CWF19L2: variants seen among roughly 807,000 people sequenced by gnomAD.
The protein encoded by CWF19L2 is CWF19 like cell cycle control factor 2, also known as CWF19-like protein 2.
A neutral mutation model predicts 111.7 loss-of-function variants in CWF19L2; 98 were observed. The ratio of observed to expected loss-of-function variants is 0.88; its 90% confidence interval spans 0.75 to 1.04. CWF19L2 has a LOEUF of 1.04. Ranked by LOEUF, CWF19L2 falls within the 50% of genes least tolerant of loss-of-function variation. The pLI is 0.00. For missense variants in CWF19L2, 1,101 were observed against 1,051.4 expected (o/e 1.05, Z -0.65); for synonymous variants, 351 against 342.9 (o/e 1.02, Z -0.26).
chr11:107,407,211 T>A (rs1044168765), intron 10 of CWF19L2, among the ~76,000 whole-genome samples: 1 of 152,148 alleles, frequency 6.6e-6, no homozygotes, highest in African/African-American at 2.4e-5. Context: ...TCAGTTTTTA[T>A]AAAGCACATT....
chr11:107,421,182 G>A (rs540969087), intron 8 of CWF19L2, among the ~76,000 whole-genome samples: 7 of 152,024 alleles, frequency 4.6e-5, no homozygotes, highest in East Asian at 3.9e-4. Context: ...ACTAAATAGC[G>A]CAACTGTAAA....
In CWF19L2 at chr11:107,428,964, T is replaced by A; in HGVS notation, c.1268A>T (p.Asp423Val). 6.2e-7 allele frequency: 1 copy of A among 1,613,696 alleles called. No homozygotes were observed. Among genetic ancestry groups the A allele is most frequent in the South Asian group, 1.1e-5 (1 of 91,058 alleles). The stretch of plus-strand genomic sequence containing the variant: ...TGAATGTTTCTTGTCTCCTCTCCCA[T>A]CAGAGCGACTCCATGATGTTAATCT... ...EERLTSWSRS[D>V]GRGDKKHSNQ... The change falls in exon 8 of 18, where the codon GAT becomes GTT. Residue 423 changes from aspartate to valine, a missense_variant. By Grantham distance (152) the Asp-to-Val change is radical. Coordinates refer to ENST00000282251, the MANE Select transcript of CWF19L2 (RefSeq NM_152434.3).
At chr11:107,375,977 T>A (rs1161240137) in intron 12 of CWF19L2, among the ~76,000 whole-genome samples, 1 of 102,472 alleles carries the variant, frequency 9.8e-6, no homozygotes, top group Non-Finnish European at 1.9e-5. Flanking sequence ...CAGAGAATAC[T>A]ACAAACACAT....
intron 3 of CWF19L2, among the ~76,000 whole-genome samples, chr11:107,448,515 GA>G (rs553884905): frequency 4.1e-5 from 6 of 146,704 alleles, no homozygotes; most frequent in Non-Finnish European, 6.0e-5. Context: ...AGAGGGAACA[GA>G]AAAAAAAAAT....
intron 10 of CWF19L2, chr11:107,404,197 T>G: frequency 1.3e-6 from 1 of 776,766 alleles, no homozygotes; most frequent in African/African-American, 1.7e-5. Context: ...GGAATTATGA[T>G]AGACCTTCAT....
At chr11:107,342,853 G>C (rs1035909318) in intron 14 of CWF19L2, among the ~76,000 whole-genome samples, 2 of 152,168 alleles carry the variant, frequency 1.3e-5, no homozygotes, top group African/African-American at 4.8e-5. Context: ...GGCAGAGCAA[G>C]TTGTGACTGA....
chr11:107,348,061 T>C (rs1252329018), intron 14 of CWF19L2, among the ~76,000 whole-genome samples: 2 of 152,164 alleles, frequency 1.3e-5, no homozygotes, highest in African/African-American at 4.8e-5. Flanking sequence ...ATTCTTACTT[T>C]TGCTTGGTTG....
chr11:107,339,734 C>G (rs1859978668), intron 14 of CWF19L2, among the ~76,000 whole-genome samples: 1 of 145,666 alleles, frequency 6.9e-6, no homozygotes, highest in South Asian at 2.2e-4. Flanking sequence ...GGTGCGATCT[C>G]AACTCCCTGA....
At chr11:107,356,202 A>T (rs1422076579) in intron 12 of CWF19L2, among the ~76,000 whole-genome samples, 1 of 152,224 alleles carries the variant, frequency 6.6e-6, no homozygotes, top group Non-Finnish European at 1.5e-5. Flanking sequence ...AAACAAAAAT[A>T]CAACATATCA....
intron 8 of CWF19L2, among the ~76,000 whole-genome samples, chr11:107,425,731 G>A (rs138677657): frequency 7.4e-4 from 113 of 151,976 alleles, no homozygotes; most frequent in African/African-American, 2.6e-3. Flanking sequence ...TCAGAATCTA[G>A]CATCCTTTGC....
rs571551039 is a variant in CWF19L2, at chr11:107,402,082, C to G, written c.1618-9187G>C. 3.4e-3 allele frequency among the ~76,000 whole-genome samples: 524 copies of G among 152,192 alleles called. 7 individuals are homozygous for G. Among genetic ancestry groups the G allele is most frequent in the Non-Finnish European group, 5.9e-3 (403 of 67,992 alleles). Reference sequence around the variant, plus strand: ...CTCTCACTTTATACAAAAATCAACTCAAGATAGATTAAGGACTTAAACCTA... The same window carrying G: ...CTCTCACTTTATACAAAAATCAACTGAAGATAGATTAAGGACTTAAACCTA... On this transcript the variant is annotated intron_variant, in intron 10 of 17. Transcript: ENST00000282251.
intron 10 of CWF19L2, among the ~76,000 whole-genome samples, chr11:107,396,456 T>A (rs1044100322): frequency 6.6e-6 from 1 of 152,168 alleles, no homozygotes; most frequent in Non-Finnish European, 1.5e-5. Flanking sequence ...AAAAGAACCT[T>A]CTGGCTGACA....
intron 8 of CWF19L2, among the ~76,000 whole-genome samples, chr11:107,427,451 G>C (rs1266924497): frequency 1.3e-5 from 2 of 152,030 alleles, no homozygotes; most frequent in Non-Finnish European, 2.9e-5. Context: ...CTTTTAGTGA[G>C]TGCCTGTATT....
chr11:107,331,281 A>G (rs1859846400), intron 16 of CWF19L2, among the ~76,000 whole-genome samples: 2 of 152,212 alleles, frequency 1.3e-5, no homozygotes, highest in African/African-American at 4.8e-5. Context: ...GAGTCTCATG[A>G]GAAACATGAA....
At chr11:107,416,154 T>C (rs1162923387) in intron 10 of CWF19L2, 55 bp downstream of exon 10, 1 of 440,808 alleles carries the variant, frequency 2.3e-6, no homozygotes, top group Non-Finnish European at 3.7e-6. Flanking sequence ...ATATTACCAC[T>C]GCCCGGTGGT....
chr11:107,405,088 G>C (rs181318012), intron 10 of CWF19L2, among the ~76,000 whole-genome samples: 1 of 152,294 alleles, frequency 6.6e-6, no homozygotes, highest in African/African-American at 2.4e-5. Context: ...GCTGAGGATG[G>C]TCTTTATATT....
At chr11:107,339,731 T>C (rs149312193) in intron 14 of CWF19L2, among the ~76,000 whole-genome samples, 2 of 150,416 alleles carry the variant, frequency 1.3e-5, no homozygotes, top group East Asian at 2.0e-4. Context: ...AGTGGTGCGA[T>C]CTCAACTCCC....
rs1860189487 is a variant in CWF19L2, at chr11:107,353,600, G to A, written c.2009C>T (p.Ala670Val). The A allele has an allele frequency of 1.9e-6, 3 of 1,613,780 alleles. No individual in the cohort carries two copies. In the East Asian group the frequency reaches 6.7e-5, roughly 36 times the overall value. ...KAIAEHRSLA[A>V]QMEKCLYCFD... ...ACAATACAGACATTTTTCCATTTGTGCAGCAAGACTCCGATGCTCAGCAAT... is the reference window on the plus strand; with the variant it reads ...ACAATACAGACATTTTTCCATTTGTACAGCAAGACTCCGATGCTCAGCAAT... The change falls in exon 13 of 18, where the codon GCA (alanine) becomes GTA (valine). Residue 670 changes from alanine to valine, a missense_variant. Physicochemically the swap from Ala to Val is moderately conservative, Grantham distance 64. Coordinates refer to ENST00000282251, the MANE Select transcript of CWF19L2 (RefSeq NM_152434.3).
At chr11:107,360,127 T>C (rs1860302453) in intron 12 of CWF19L2, among the ~76,000 whole-genome samples, 2 of 152,228 alleles carry the variant, frequency 1.3e-5, no homozygotes. Flanking sequence ...CTTATTCTTC[T>C]GAGTCTCTAT....
Sources: allele counts gnomAD v4.1 joint callset (sites outside exome capture counted in the v4.1 genomes callset), GRCh38; gene constraint gnomAD v4.1.1; transcripts MANE v1.5; gene names NCBI Gene and HGNC (gene_info 2026-07-23, HGNC 2026-07-21).